The following CCDC85A variants were observed in gnomAD, a reference collection of about 807,000 sequenced individuals.
CCDC85A encodes coiled-coil domain containing 85A.
In CCDC85A, 38 loss-of-function variants were observed where a neutral mutation model predicts 50.2. The ratio of observed to expected loss-of-function variants is 0.76; its 90% CI spans 0.58 to 0.99. The LOEUF is 0.99. Among genes scored for constraint, CCDC85A ranks in the 50% least tolerant of loss-of-function variants. The pLI, the probability that CCDC85A is intolerant of heterozygous loss-of-function variation, is 0.00. For missense variants in CCDC85A, 820 were observed against 742.0 expected, an observed-to-expected ratio of 1.11 and a Z score of -1.22; for synonymous variants, 366 against 301.4, an observed-to-expected ratio of 1.21 and a Z score of -2.22.
intron 2 of CCDC85A, among the ~76,000 whole-genome samples, chr2:56,198,558 A>G (rs534489987): frequency 1.3e-5 from 2 of 152,360 alleles, no homozygotes; most frequent in South Asian, 2.1e-4. Flanking sequence ...TACATTTATC[A>G]TAAGGATACA....
At chr2:56,260,903 C>T (rs968699645) in intron 2 of CCDC85A, among the ~76,000 whole-genome samples, 3 of 152,180 alleles carry the variant, frequency 2.0e-5, no homozygotes, top group African/African-American at 7.2e-5. Flanking sequence ...ATTATTAGAA[C>T]TCCTATTTCT....
intron 2 of CCDC85A, among the ~76,000 whole-genome samples, chr2:56,332,662 C>T (rs1441310284): frequency 7.0e-6 from 1 of 143,066 alleles, no homozygotes; most frequent in African/African-American, 2.5e-5. Flanking sequence ...TCTCTCTCTC[C>T]CCCTCTCTCA....
At chr2:56,309,142 T>A (rs1401119616) in intron 2 of CCDC85A, among the ~76,000 whole-genome samples, 2 of 152,210 alleles carry the variant, frequency 1.3e-5, no homozygotes, top group African/African-American at 4.8e-5. Flanking sequence ...TGTAAAAGAA[T>A]TAAACTTTTT....
intron 5 of CCDC85A, among the ~76,000 whole-genome samples, chr2:56,380,800 G>A (rs931539650): frequency 2.6e-5 from 4 of 151,978 alleles, no homozygotes; most frequent in African/African-American, 4.8e-5. Context: ...GCTTTAAATA[G>A]CTAAATGGAA....
At chr2:56,231,815 T>C (rs1276959485) in intron 2 of CCDC85A, among the ~76,000 whole-genome samples, 1 of 152,158 alleles carries the variant, frequency 6.6e-6, no homozygotes, top group Non-Finnish European at 1.5e-5. Flanking sequence ...TACCTGTTCT[T>C]GTCTCATCCT....
At chr2:56,373,592 T>A (rs2104393742) in intron 4 of CCDC85A, among the ~76,000 whole-genome samples, 2 of 152,274 alleles carry the variant, frequency 1.3e-5, no homozygotes, top group Middle Eastern at 3.4e-3. Flanking sequence ...TTACCAGGTC[T>A]GGAAAGAGAA....
At chr2:56,296,460 G>A (rs1309323554) in intron 2 of CCDC85A, among the ~76,000 whole-genome samples, 1 of 152,174 alleles carries the variant, frequency 6.6e-6, no homozygotes, top group Non-Finnish European at 1.5e-5. Context: ...GCCTGCAGAA[G>A]GAGCAGGCAG....
chr2:56,194,112 C>G (rs570589828), intron 2 of CCDC85A, among the ~76,000 whole-genome samples: 1 of 152,294 alleles, frequency 6.6e-6, no homozygotes, highest in Admixed American at 6.5e-5. Flanking sequence ...ATCAAACTCC[C>G]TTATACATAT....
At chr2:56,332,631 C>T (rs1182524635) in intron 2 of CCDC85A, among the ~76,000 whole-genome samples, 1 of 152,022 alleles carries the variant, frequency 6.6e-6, no homozygotes, top group Non-Finnish European at 1.5e-5. Flanking sequence ...CTGTCTCTCA[C>T]TGTCTGTCTC....
At chr2:56,292,698 A>C (rs933422681) in intron 2 of CCDC85A, among the ~76,000 whole-genome samples, 1 of 152,210 alleles carries the variant, frequency 6.6e-6, no homozygotes, top group African/African-American at 2.4e-5. Context: ...CTGGGACATG[A>C]GACCCCTGGA....
At chr2:56,223,943 A>G (rs1207305067) in intron 2 of CCDC85A, among the ~76,000 whole-genome samples, 3 of 152,042 alleles carry the variant, frequency 2.0e-5, no homozygotes, top group African/African-American at 7.2e-5. Flanking sequence ...CTCTTCCTTC[A>G]CTTAATATCT....
At chr2:56,244,784 A>G (rs1385031746) in intron 2 of CCDC85A, among the ~76,000 whole-genome samples, 1 of 151,948 alleles carries the variant, frequency 6.6e-6, no homozygotes, top group African/African-American at 2.4e-5. Flanking sequence ...TCAGCAAGTG[A>G]TGAATCCTGC....
In CCDC85A at chr2:56,330,276, G is replaced by C. The variant is rs962263466; in HGVS notation, c.1241-12603G>C. Among the ~76,000 whole-genome samples the C allele has an allele frequency of 2.6e-5, 4 of 152,116 alleles. No individual in the cohort carries two copies. The East Asian group carries it at 7.7e-4, about 29-fold the overall frequency. ...CCCCAGTTCTGTCGCCCAATTTATTGCCACCTTCCTGGTACCTCCTTTGTG... is the reference window on the plus strand; with the variant it reads ...CCCCAGTTCTGTCGCCCAATTTATTCCCACCTTCCTGGTACCTCCTTTGTG... On this transcript the variant is annotated intron_variant, in intron 2 of 5. Coordinates refer to ENST00000407595, the MANE Select transcript of CCDC85A (RefSeq NM_001080433.2).
rs542059965 is a variant in CCDC85A at position 56,360,950 on chromosome 2, T to A, written c.1318-11394T>A. 7.2e-5 allele frequency among the ~76,000 whole-genome samples: 11 copies of A among 152,302 alleles called. No individual in the cohort carries two copies. In the East Asian group the frequency reaches 2.1e-3, roughly 29 times the overall value. ...TGCTTTTCTTAGCACAAGCAAAACA[T>A]CCCTTAAAAATAGGGAGTAGAGGCC... On this transcript the variant is annotated intron_variant, in intron 3 of 5. Coordinates refer to ENST00000407595, the MANE Select transcript of CCDC85A (RefSeq NM_001080433.2).
At chr2:56,334,059 G>A (rs547542051) in intron 2 of CCDC85A, among the ~76,000 whole-genome samples, 1 of 152,334 alleles carries the variant, frequency 6.6e-6, no homozygotes, top group African/African-American at 2.4e-5. Context: ...GCAGATCTTA[G>A]TTCTCTGAGA....
intron 2 of CCDC85A, among the ~76,000 whole-genome samples, chr2:56,253,284 G>C (rs1669847925): frequency 6.6e-6 from 1 of 152,186 alleles, no homozygotes; most frequent in Non-Finnish European, 1.5e-5. Context: ...TAGAGCAAGA[G>C]ACTAGAAAAG....
chr2:56,315,173 C>T (rs1221501313), intron 2 of CCDC85A, among the ~76,000 whole-genome samples: 1 of 152,146 alleles, frequency 6.6e-6, no homozygotes, highest in Admixed American at 6.6e-5. Context: ...TGGAATTCTG[C>T]CCATCCCATT....
At chr2:56,185,773 A>G (rs1265220903) in intron 1 of CCDC85A, 1 of 152,232 alleles carries the variant, frequency 6.6e-6, no homozygotes, top group Non-Finnish European at 1.5e-5. Flanking sequence ...GCTGCAGTAC[A>G]CTAGTGGCCG....
In CCDC85A at chr2:56,372,422, G is replaced by A. The variant is rs762140276; in HGVS notation, c.1396G>A (p.Val466Ile). The change falls in exon 4 of 6, where the codon GTC becomes ATC. Residue 466 changes from valine to isoleucine, a missense_variant. By Grantham distance (29) the Val-to-Ile change is conservative (BLOSUM62 3). Coordinates refer to ENST00000407595, the MANE Select transcript of CCDC85A (RefSeq NM_001080433.2). ...AGGCTGGGGGTCCAGAGCCCGGCGG[G>A]TCTTGCAGTGGTGGCAAGGGTGCCG... ...EKGWGSRARR[V>I]LQWWQGCRGI... The A allele has an allele frequency of 1.2e-6, 2 of 1,608,834 alleles. No homozygotes were observed.
Sources: gnomAD v4.1 joint callset for allele counts (sites outside exome capture counted in the v4.1 genomes callset) on GRCh38, gnomAD v4.1.1 for gene constraint, MANE v1.5 for transcripts, NCBI Gene and HGNC (gene_info 2026-07-23, HGNC 2026-07-21) for gene names.